ABCB4: variants seen among roughly 807,000 people sequenced by gnomAD.
The protein encoded by ABCB4 is ATP binding cassette subfamily B member 4.
A neutral mutation model predicts 145.7 loss-of-function variants in ABCB4; 76 were observed. The observed-to-expected ratio is 0.52, with a 90% CI of 0.43 to 0.63. The LOEUF is 0.63. Ranked by LOEUF, ABCB4 falls within the 30% of genes least tolerant of loss-of-function variation. The pLI, the probability that ABCB4 is intolerant of heterozygous loss-of-function variation, is 0.00. For synonymous variants in ABCB4, 517 were observed against 566.8 expected, an observed-to-expected ratio of 0.91 and a Z score of 1.25; for missense variants, 1,234 against 1,553.1, an observed-to-expected ratio of 0.79 and a Z score of 3.45.
chr7:87,412,084 G>C (rs372187960), intron 22 of ABCB4, 51 bp from the exon 23 acceptor site: 1 of 1,608,394 alleles, frequency 6.2e-7, no homozygotes, highest in South Asian at 1.1e-5. Context: ...CTCCTTTAGC[G>C]CTGTGTAGTG....
chr7:87,430,179 G>A (rs45566331), intron 15 of ABCB4, among the ~76,000 whole-genome samples: 6,130 of 152,078 alleles, frequency 0.04, 401 homozygotes, highest in African/African-American at 0.14. Context: ...TTAGAATAGA[G>A]AAATACTGGA....
chr7:87,403,246 C>T lies in ABCB4; in HGVS notation c.3522G>A (p.Gln1174=). Residue 1174 remains glutamine (Q), a synonymous_variant, in exon 27 of 28, where the codon CAG becomes CAA. Transcript: ENST00000649586. ...YETRVGDKGT[Q]LSGGQKQRIA... is the part of the protein sequence containing the mutation. ...TCCTCTGTTTTTGACCTCCTGAGAG[C>T]TGAGTCCCCTTATCTCCCACTCTTG... The T allele has an allele frequency of 6.2e-7, 1 of 1,613,930 alleles. No homozygotes were observed. The highest frequency in any genetic ancestry group is 1.1e-5 in the South Asian group (1 of 91,084).
Position 87,452,116 on chromosome 7 carries a change from A to T in ABCB4, c.537-322T>A, listed in dbSNP as rs45539340. On this transcript the variant is annotated intron_variant, in intron 6 of 27. Coordinates refer to ENST00000649586, the MANE Select transcript of ABCB4 (RefSeq NM_000443.4). ...AATTAAGAAGAACATTGCAACAATAATAAGCAACAGTAGTAGGGAAGTATT... is the reference window on the plus strand; with the variant it reads ...AATTAAGAAGAACATTGCAACAATATTAAGCAACAGTAGTAGGGAAGTATT... 8.5e-3 allele frequency among the ~76,000 whole-genome samples: 1,295 copies of T among 152,336 alleles called. 10 individuals carry two copies. The highest frequency in any genetic ancestry group is 0.015 in the Non-Finnish European group (987 of 68,026).
chr7:87,454,479 A>G, intron 5 of ABCB4, 56 bp downstream of exon 5: 1 of 1,328,064 alleles, frequency 7.5e-7, no homozygotes, highest in South Asian at 1.2e-5. Context: ...TAACTCTGTA[A>G]TTGGAAATTA....
chr7:87,379,383 A>G, the ABCB4 span, among the ~76,000 whole-genome samples: 14 of 152,236 alleles, frequency 9.2e-5, no homozygotes, highest in African/African-American at 3.1e-4. Context: ...GTGTTTCATT[A>G]TATGTTAAAT....
At chr7:87,449,901 C>A (rs1430748423) in intron 8 of ABCB4, 67 bp downstream of exon 8, 70 of 1,612,648 alleles carry the variant, frequency 4.3e-5, no homozygotes, top group Non-Finnish European at 5.8e-5. Flanking sequence ...AAACACATAC[C>A]ACAAAGAAGA....
chr7:87,472,540 T>C (rs1813495509), intron 3 of ABCB4, 81 bp downstream of exon 3: 5 of 1,229,156 alleles, frequency 4.1e-6, no homozygotes, highest in Middle Eastern at 1.9e-4. Flanking sequence ...TCTTAAAGTA[T>C]TTGCTTTAAA....
chr7:87,369,349 T>G, the ABCB4 span: 1 of 1,501,284 alleles, frequency 6.7e-7, no homozygotes, highest in Middle Eastern at 1.7e-4. Flanking sequence ...TAGATTTGAG[T>G]CTTGTGTTTT....
chr7:87,390,063 T>C, the ABCB4 span, among the ~76,000 whole-genome samples: 1 of 152,202 alleles, frequency 6.6e-6, no homozygotes, highest in Non-Finnish European at 1.5e-5. Context: ...ATTTATCCTG[T>C]AGAGTTTTCT....
chr7:87,468,751 TGA>T (rs1332886411), intron 3 of ABCB4, among the ~76,000 whole-genome samples: 4 of 151,606 alleles, frequency 2.6e-5, no homozygotes, highest in Admixed American at 2.0e-4. Flanking sequence ...GCTAACATGG[TGA>T]AACCCTGTCT....
intron 19 of ABCB4, among the ~76,000 whole-genome samples, chr7:87,419,403 G>A (rs1809231412): frequency 6.6e-6 from 1 of 152,130 alleles, no homozygotes; most frequent in African/African-American, 2.4e-5. Context: ...TCCTATGTCA[G>A]GCACTAGAAT....
chr7:87,464,179 G>A (rs1291093535), intron 3 of ABCB4, among the ~76,000 whole-genome samples: 6 of 152,194 alleles, frequency 3.9e-5, no homozygotes, highest in South Asian at 2.1e-4. Flanking sequence ...TCAATAACCC[G>A]GGTGAGGCTG....
intron 8 of ABCB4, 152 bp from the exon 9 acceptor site, chr7:87,447,357 T>A: frequency 1.4e-6 from 1 of 732,382 alleles, no homozygotes; most frequent in Non-Finnish European, 2.3e-6. Flanking sequence ...GGAATTGAAC[T>A]AATTCAGGAT....
chr7:87,386,449 T>C, the ABCB4 span, among the ~76,000 whole-genome samples: 1 of 152,210 alleles, frequency 6.6e-6, no homozygotes, highest in African/African-American at 2.4e-5. Context: ...TGTTGGCATA[T>C]AGTTACTCAT....
At chr7:87,457,162 T>C (rs1035107504) in intron 4 of ABCB4, among the ~76,000 whole-genome samples, 1 of 152,244 alleles carries the variant, frequency 6.6e-6, no homozygotes, top group Non-Finnish European at 1.5e-5. Context: ...CTCACACCTA[T>C]AATTACAGCA....
At position 87,426,916 on chromosome 7, in the gene ABCB4, G is replaced by T; in HGVS notation, c.1898C>A (p.Ser633Ter). Residue 633 changes from serine (S) to a stop codon, truncating the protein, a stop_gained, in exon 16 of 28, where the codon TCA becomes TAA. Transcript: ENST00000649586. LOFTEE classifies it high-confidence loss of function. ...VYFKLVNMQTSGSQIQSEEFE... is the reference protein window; with the variant it reads ...VYFKLVNMQT ...TTCTTCTGACTGGATCTGGCTTCCTGATGTCTGAAAGAATATCAAGACATT... is the reference window on the plus strand; with the variant it reads ...TTCTTCTGACTGGATCTGGCTTCCTTATGTCTGAAAGAATATCAAGACATT... 6.2e-7 allele frequency: 1 copy of T among 1,609,140 alleles called. No individual in the cohort carries two copies. The highest frequency in any genetic ancestry group is 1.1e-5 in the South Asian group (1 of 90,936).
intron 1 of ABCB4, 65 bp downstream of exon 1, chr7:87,475,569 C>T (rs940107224): frequency 1.7e-6 from 2 of 1,198,998 alleles, no homozygotes; most frequent in Non-Finnish European, 2.4e-6. Flanking sequence ...GGTCCGGCCA[C>T]TCCCGCCCCG....
intron 2 of ABCB4, 37 bp downstream of exon 2, chr7:87,475,349 C>T (rs747356987): frequency 6.2e-7 from 1 of 1,610,758 alleles, no homozygotes; most frequent in South Asian, 1.1e-5. Flanking sequence ...TGCTGATTGG[C>T]GTGTAACGGA....
chr7:87,368,562 A>T, the ABCB4 span, among the ~76,000 whole-genome samples: 5 of 152,328 alleles, frequency 3.3e-5, no homozygotes, highest in South Asian at 1.0e-3. Flanking sequence ...GTTCTTCCTC[A>T]TAGTTGATGA....
Sources: gnomAD v4.1 joint callset for allele counts (sites outside exome capture counted in the v4.1 genomes callset) on GRCh38, gnomAD v4.1.1 for gene constraint, MANE v1.5 for transcripts, NCBI Gene and HGNC (gene_info 2026-07-23, HGNC 2026-07-21) for gene names.